Variants in MAOA observed in about 807,000 individuals in gnomAD.
MAOA encodes monoamine oxidase A.
In MAOA, 6 loss-of-function variants were observed where a neutral mutation model predicts 42.0. The ratio of observed to expected loss-of-function variants is 0.14; its 90% CI spans 0.08 to 0.28. MAOA has a LOEUF of 0.28. Among genes scored for constraint, MAOA ranks in the 10% least tolerant of loss-of-function variants. The probability of loss-of-function intolerance (pLI) is 1.00; values close to 1 mark genes in which losing one functional copy is unlikely to be tolerated. For synonymous variants in MAOA, 140 were observed against 154.0 expected (o/e 0.91, Z 0.67); for missense variants, 262 against 422.3 (o/e 0.62, Z 3.33).
In MAOA at chrX:43,728,311, C is replaced by T. The variant is rs746443900; in HGVS notation, c.642C>T (p.Gly214=). The T allele has an allele frequency of 7.4e-6, 9 of 1,209,272 alleles. No homozygotes were observed. In the South Asian group the frequency reaches 1.4e-4, roughly 19 times the overall value. The change falls in exon 6 of 15, where the codon GGC becomes GGT. Residue 214 remains glycine, a synonymous_variant. Transcript: ENST00000338702. ...TTRIFSVTNG[G]QERKFVGGSG... is the part of the protein sequence containing the mutation. ...GGATATTCTCTGTCACCAATGGTGG[C>T]CAGGTATGGTGTGTATGTGTCTGTT...
chrX:43,725,608 G>C (rs1355559762), intron 5 of MAOA, among the ~76,000 whole-genome samples: 1 of 111,205 alleles, frequency 9.0e-6, no homozygotes, highest in Admixed American at 9.5e-5. Flanking sequence ...ACACCGATGG[G>C]TCTTGACTCT....
In MAOA at chrX:43,743,924, G is replaced by C; in HGVS notation, c.1374+19G>C. 1 of 1,168,626 alleles carries C rather than the reference G, an allele frequency of 8.6e-7. No individual in the cohort carries two copies. The highest frequency in any genetic ancestry group is 1.1e-6 in the Non-Finnish European group (1 of 873,526). ...TAGGGAGGTAAGCAGGAAAGCCCAG[G>C]CTCTCTCCCTCCCGAGTCACGGCAA... On this transcript the variant is annotated intron_variant, in intron 13 of 14. Transcript: ENST00000338702.
intron 5 of MAOA, among the ~76,000 whole-genome samples, chrX:43,713,403 T>C (rs1412088998): frequency 1.8e-5 from 2 of 111,400 alleles, no homozygotes; most frequent in Non-Finnish European, 3.8e-5. Flanking sequence ...AGGTGATGGG[T>C]TGATGGGTGC....
chrX:43,743,708 T>C lies in MAOA; in HGVS notation c.1263-86T>C, dbSNP rs1324530779. On this transcript the variant is annotated intron_variant, in intron 12 of 14. Transcript: ENST00000338702. ...AAACAGTCTGAATTTCTGTGCCTTC[T>C]GCAGACTAAATGAGGGCAGTGATTG... The C allele has an allele frequency of 3.8e-6, 4 of 1,043,511 alleles. No homozygotes were observed. In the Admixed American group the frequency reaches 1.0e-4, roughly 27 times the overall value. 86.0% of individuals were successfully genotyped at this position (1,043,511 alleles called of 1,213,427 possible).
intron 3 of MAOA, among the ~76,000 whole-genome samples, chrX:43,706,743 G>T (rs2033662095): frequency 8.9e-6 from 1 of 111,743 alleles, no homozygotes; most frequent in South Asian, 3.7e-4. Flanking sequence ...AAACCTGAGA[G>T]TTTGAGACTG....
At chrX:43,709,882 CAG>C (rs748332750) in intron 3 of MAOA, among the ~76,000 whole-genome samples, 1 of 112,145 alleles carries the variant, frequency 8.9e-6, no homozygotes, top group East Asian at 2.8e-4. Flanking sequence ...TCCTTAGAAA[CAG>C]AAAAGGTACA....
intron 11 of MAOA, among the ~76,000 whole-genome samples, chrX:43,741,350 A>C (rs184567482): frequency 9.0e-6 from 1 of 111,624 alleles, no homozygotes; most frequent in Admixed American, 9.5e-5. Context: ...CTGTTCAAAT[A>C]ATAAACTTTC....
chrX:43,741,437 C>T (rs17146683), intron 11 of MAOA, among the ~76,000 whole-genome samples: 1,637 of 111,872 alleles, frequency 0.015, 29 homozygotes, highest in African/African-American at 0.05. Context: ...GCCGCTTTTT[C>T]GTGGAATTCC....
chrX:43,718,463 G>T (rs2033762695), intron 5 of MAOA, among the ~76,000 whole-genome samples: 1 of 109,310 alleles, frequency 9.1e-6, no homozygotes, highest in African/African-American at 3.3e-5. Context: ...TGTGACAAAG[G>T]CTCTGCGGGG....
At chrX:43,742,308 A>G (rs1169221466) in intron 12 of MAOA, among the ~76,000 whole-genome samples, 2 of 112,558 alleles carry the variant, frequency 1.8e-5, no homozygotes, top group Non-Finnish European at 3.8e-5. Flanking sequence ...AGCAAGCTAC[A>G]GTGTCCTCCA....
At chrX:43,675,914 C>A in intron 1 of MAOA, among the ~76,000 whole-genome samples, 1 of 112,295 alleles carries the variant, frequency 8.9e-6, no homozygotes, top group Non-Finnish European at 1.9e-5. Flanking sequence ...CTTTAGGAGG[C>A]AGTCTGCCCA....
At chrX:43,656,073 ACT>A, upstream of MAOA, 1 of 396,800 alleles carries the variant, frequency 2.5e-6, no homozygotes, top group Non-Finnish European at 4.4e-6. Flanking sequence ...AAACCTAATA[ACT>A]CTCGCCGAGT....
chrX:43,708,787 C>T (rs2033677775), intron 3 of MAOA, among the ~76,000 whole-genome samples: 1 of 108,598 alleles, frequency 9.2e-6, no homozygotes, highest in Non-Finnish European at 1.9e-5. Context: ...CTCAGCCTCT[C>T]GAGTAGCTGA....
intron 10 of MAOA, among the ~76,000 whole-genome samples, 186 bp from the exon 11 acceptor site, chrX:43,740,495 G>A (rs2033951654): frequency 8.9e-6 from 1 of 111,894 alleles, no homozygotes; most frequent in African/African-American, 3.2e-5. Context: ...GGCATTGAAA[G>A]TTAATTTGAG....
chrX:43,689,465 GT>G (rs1294488248), intron 2 of MAOA, among the ~76,000 whole-genome samples: 1 of 109,941 alleles, frequency 9.1e-6, no homozygotes, highest in Non-Finnish European at 1.9e-5. Flanking sequence ...AAGTTATATA[GT>G]CAGACCAATG....
intron 1 of MAOA, among the ~76,000 whole-genome samples, chrX:43,672,787 A>T (rs1285643726): frequency 1.8e-5 from 2 of 111,458 alleles, no homozygotes; most frequent in African/African-American, 6.5e-5. Flanking sequence ...CATCCCAGGG[A>T]TGAAGCCCAC....
intron 1 of MAOA, among the ~76,000 whole-genome samples, chrX:43,669,236 C>T (rs896420913): frequency 2.9e-5 from 3 of 104,231 alleles, no homozygotes; most frequent in Non-Finnish European, 5.8e-5. Context: ...TGGTAAAACC[C>T]CGTCTCTACT....
chrX:43,709,889 G>A (rs1204398490), intron 3 of MAOA, among the ~76,000 whole-genome samples: 1 of 111,909 alleles, frequency 8.9e-6, no homozygotes, highest in Non-Finnish European at 1.9e-5. Context: ...AAACAGAAAA[G>A]GTACATGTGG....
chrX:43,677,749 CAA>C (rs2033411152), intron 1 of MAOA, among the ~76,000 whole-genome samples: 1 of 111,691 alleles, frequency 9.0e-6, no homozygotes, highest in Non-Finnish European at 1.9e-5. Flanking sequence ...AAGGCCTTAA[CAA>C]ACTCTTTGTG....
Sources: allele counts gnomAD v4.1 joint callset (sites outside exome capture counted in the v4.1 genomes callset), GRCh38; gene constraint gnomAD v4.1.1; transcripts MANE v1.5; gene names NCBI Gene and HGNC (gene_info 2026-07-23, HGNC 2026-07-21).